Variants in TBCA observed in about 807,000 individuals in gnomAD.
TBCA encodes the protein tubulin-specific chaperone A.
In TBCA, 6 loss-of-function variants were observed where a neutral mutation model predicts 15.8. The ratio of observed to expected loss-of-function variants is 0.38; its 90% CI spans 0.21 to 0.75. TBCA has a LOEUF of 0.75. Ranked by LOEUF, TBCA falls within the 30% of genes least tolerant of loss-of-function variation. The probability of loss-of-function intolerance (pLI) is 0.46; values close to 1 mark genes in which losing one functional copy is unlikely to be tolerated. For synonymous variants in TBCA, 32 were observed against 42.3 expected (o/e 0.76, Z 0.94); for missense variants, 90 against 131.2 (o/e 0.69, Z 1.53).
intron 1 of TBCA, among the ~76,000 whole-genome samples, chr5:77,758,601 G>A (rs115305281): frequency 0.012 from 1,805 of 152,254 alleles, 21 homozygotes; most frequent in Middle Eastern, 0.024. Context: ...TTTTGTCCAC[G>A]GCTCGTCCTG....
intron 1 of TBCA, among the ~76,000 whole-genome samples, chr5:77,759,420 GA>G (rs1747552426): frequency 6.6e-6 from 1 of 152,180 alleles, no homozygotes; most frequent in African/African-American, 2.4e-5. Flanking sequence ...GGGGTATAAT[GA>G]GGTATGTGCG....
rs147737305 is a variant in TBCA, at chr5:77,742,568, G to A, written c.53+33637C>T. The stretch of plus-strand genomic sequence containing the variant: ...ATATTTGTAGAAGGCCCTTAATGGC[G>A]TTTTCCTGTATGTCAATGGCCTGAA... On this transcript the variant is annotated intron_variant, in intron 1 of 3. Transcript: ENST00000380377. 6.8e-4 allele frequency among the ~76,000 whole-genome samples: 104 copies of A among 152,272 alleles called. No individual in the cohort carries two copies. In the East Asian group the frequency reaches 0.014, roughly 21 times the overall value.
intron 1 of TBCA, among the ~76,000 whole-genome samples, chr5:77,713,309 A>C (rs1746325405): frequency 6.6e-6 from 1 of 152,102 alleles, no homozygotes; most frequent in African/African-American, 2.4e-5. Context: ...ATATATAATA[A>C]TACTAATAAA....
At chr5:77,717,014 T>C (rs1746412819) in intron 1 of TBCA, among the ~76,000 whole-genome samples, 1 of 152,178 alleles carries the variant, frequency 6.6e-6, no homozygotes, top group African/African-American at 2.4e-5. Flanking sequence ...ATATAATCCA[T>C]TTTCTCACCT....
intron 2 of TBCA, among the ~76,000 whole-genome samples, chr5:77,697,142 C>T (rs1249590956): frequency 3.3e-5 from 5 of 152,116 alleles, no homozygotes; most frequent in South Asian, 2.1e-4. Context: ...AATCCATATA[C>T]ATAAGCTGGG....
intron 1 of TBCA, among the ~76,000 whole-genome samples, chr5:77,749,080 C>A (rs1246298657): frequency 6.6e-6 from 1 of 152,198 alleles, no homozygotes; most frequent in Non-Finnish European, 1.5e-5. Flanking sequence ...GCACTTTCAG[C>A]ACCACTAGTG....
rs76192616 is a variant in TBCA, at chr5:77,706,594, C to A, written c.159+1648G>T. ...CTTTGGGAGGCTAAGGTAGGCAGAT[C>A]GCCTGAGGTCAGGAGTTCAACAGCC... On this transcript the variant is annotated intron_variant, in intron 2 of 3. Transcript: ENST00000380377. Among the ~76,000 whole-genome samples, 1,190 of 151,972 alleles carry A rather than the reference C, an allele frequency of 7.8e-3. 8 individuals are homozygous for A. Among genetic ancestry groups the A allele is most frequent in the Non-Finnish European group, 0.012 (840 of 67,934 alleles).
Position 77,691,431 on chromosome 5 carries a change from T to A in TBCA, c.314A>T (p.Lys105Met), listed in dbSNP as rs1407612600. The change falls in exon 4 of 4, where the codon AAG (lysine) becomes ATG (methionine). Residue 105 changes from lysine (K) to methionine (M), a missense_variant. Lys to Met is a moderately conservative substitution (Grantham distance 95). Transcript: ENST00000380377. ...ACGAGAAAAGTTTCAGGCTTCTAAC[T>A]TCACTGAATCCAGTACTAAACGTGC... ...KEARLVLDSV[K>M]LEA 1 of 1,596,532 alleles carries A rather than the reference T, an allele frequency of 6.3e-7. No individual in the cohort carries two copies. Among genetic ancestry groups the A allele is most frequent in the African/African-American group, 1.4e-5 (1 of 73,846 alleles).
At chr5:77,730,161 A>T (rs761699631) in intron 1 of TBCA, among the ~76,000 whole-genome samples, 5 of 152,224 alleles carry the variant, frequency 3.3e-5, no homozygotes, top group Admixed American at 6.5e-5. Context: ...GTCAACCCAG[A>T]ATCTCAGAAT....
intron 1 of TBCA, among the ~76,000 whole-genome samples, chr5:77,745,906 G>A (rs1747174632): frequency 6.6e-6 from 1 of 152,066 alleles, no homozygotes; most frequent in Non-Finnish European, 1.5e-5. Flanking sequence ...AGAAAGTCAG[G>A]GACTTTTAAT....
intron 3 of TBCA, chr5:77,692,217 T>C: frequency 3.0e-6 from 3 of 985,160 alleles, no homozygotes; most frequent in Non-Finnish European, 2.4e-6. Context: ...AAGATGGAGA[T>C]ATACAAACAG....
intron 1 of TBCA, among the ~76,000 whole-genome samples, chr5:77,739,741 T>C (rs1746990283): frequency 6.6e-6 from 1 of 152,122 alleles, no homozygotes; most frequent in African/African-American, 2.4e-5. Flanking sequence ...TCTTTTGAAC[T>C]ACAGTGGCAA....
At chr5:77,775,367 C>T (rs900749696) in intron 1 of TBCA, among the ~76,000 whole-genome samples, 21 of 152,304 alleles carry the variant, frequency 1.4e-4, no homozygotes, top group African/African-American at 5.1e-4. Context: ...CCCCAACCTT[C>T]TAGTTGTCCT....
At chr5:77,707,500 G>C (rs1415391964) in intron 2 of TBCA, among the ~76,000 whole-genome samples, 1 of 152,100 alleles carries the variant, frequency 6.6e-6, no homozygotes, top group Non-Finnish European at 1.5e-5. Flanking sequence ...CAGAGGCAAA[G>C]AAGAAAGGGC....
Position 77,692,344 on chromosome 5 carries a change from C to G in TBCA, c.247-846G>C, listed in dbSNP as rs1028682609. On this transcript the variant is annotated intron_variant, in intron 3 of 3. Coordinates refer to ENST00000380377, the MANE Select transcript of TBCA (RefSeq NM_004607.3). ...TTAAACCTCCATGTTATACCTTAAA[C>G]ACATCTTTGTTCTCTGTTAGTAAAT... 73 of 985,356 alleles carry G rather than the reference C, an allele frequency of 7.4e-5. No individual in the cohort carries two copies. The African/African-American group carries it at 1.2e-3, about 16-fold the overall frequency. 61.0% of individuals were successfully genotyped at this position (985,356 alleles called of 1,614,324 possible). A position where few individuals can be genotyped will look rare whatever the true frequency, so the allele number is the denominator to read the frequency against.
At chr5:77,719,675 A>C (rs1746484848) in intron 1 of TBCA, among the ~76,000 whole-genome samples, 1 of 152,218 alleles carries the variant, frequency 6.6e-6, no homozygotes, top group African/African-American at 2.4e-5. Context: ...TCAAACATAA[A>C]ATCAGTATCA....
chr5:77,707,520 G>C (rs1476171634), intron 2 of TBCA, among the ~76,000 whole-genome samples: 1 of 152,040 alleles, frequency 6.6e-6, no homozygotes, highest in Non-Finnish European at 1.5e-5. Flanking sequence ...CATGTTCAGG[G>C]AGCTATAAGG....
At chr5:77,771,171 A>G (rs1747901960) in intron 1 of TBCA, among the ~76,000 whole-genome samples, 1 of 152,092 alleles carries the variant, frequency 6.6e-6, no homozygotes, top group African/African-American at 2.4e-5. Context: ...CCTCTGTTAC[A>G]TACATTTCTC....
intron 1 of TBCA, among the ~76,000 whole-genome samples, chr5:77,751,195 C>T (rs1343599083): frequency 1.3e-3 from 146 of 114,970 alleles, no homozygotes; most frequent in African/African-American, 4.9e-3. Flanking sequence ...GACACAGTTT[C>T]GCTCTTGTTG....
Sources: gnomAD v4.1 joint callset for allele counts (sites outside exome capture counted in the v4.1 genomes callset) on GRCh38, gnomAD v4.1.1 for gene constraint, MANE v1.5 for transcripts, NCBI Gene and HGNC (gene_info 2026-07-23, HGNC 2026-07-21) for gene names.